The following LRBA variants were observed in gnomAD, a reference collection of about 807,000 sequenced individuals.
LRBA encodes the protein LPS responsive beige-like anchor protein, also known as lipopolysaccharide-responsive and beige-like anchor protein.
A neutral mutation model predicts 330.0 loss-of-function variants in LRBA; 176 were observed. The observed-to-expected ratio is 0.53, with a 90% CI of 0.47 to 0.60. The LOEUF (loss-of-function observed/expected upper bound fraction) is 0.60. LRBA is among the 20% of genes least tolerant of loss of function. LRBA has a pLI of 0.00. For missense variants in LRBA, 3,259 were observed against 3,444.8 expected (o/e 0.95, Z 1.35); for synonymous variants, 1,230 against 1,193.0 (o/e 1.03, Z -0.64).
chr4:150,813,110 A>G (rs902953055), intron 31 of LRBA, among the ~76,000 whole-genome samples: 5 of 150,712 alleles, frequency 3.3e-5, no homozygotes, highest in African/African-American at 4.9e-5. Context: ...TTGAGCTATG[A>G]TTGTGCCACT....
intron 47 of LRBA, among the ~76,000 whole-genome samples, chr4:150,362,918 T>C (rs1738920929): frequency 6.6e-6 from 1 of 151,984 alleles, no homozygotes; most frequent in African/African-American, 2.4e-5. Flanking sequence ...CCTGGCAGCC[T>C]GGCAGCCTGG....
intron 35 of LRBA, among the ~76,000 whole-genome samples, chr4:150,760,478 C>T (rs1734925939): frequency 6.6e-6 from 1 of 151,944 alleles, no homozygotes; most frequent in African/African-American, 2.4e-5. Context: ...ATCACAATGA[C>T]TCTTTTGTTT....
chr4:150,926,941 T>G (rs532504050), intron 4 of LRBA, among the ~76,000 whole-genome samples: 2 of 151,490 alleles, frequency 1.3e-5, no homozygotes, highest in African/African-American at 4.9e-5. Flanking sequence ...CGTGGTGGTG[T>G]GCGCCTGTAA....
intron 17 of LRBA, among the ~76,000 whole-genome samples, chr4:150,882,578 C>T (rs1728517736): frequency 6.6e-6 from 1 of 152,086 alleles, no homozygotes; most frequent in South Asian, 2.1e-4. Flanking sequence ...ACTATGCTTA[C>T]ATGTTTAAAG....
chr4:150,470,238 C>T (rs752722044), intron 43 of LRBA, among the ~76,000 whole-genome samples: 1 of 152,128 alleles, frequency 6.6e-6, no homozygotes, highest in Non-Finnish European at 1.5e-5. Context: ...CATTTCCAAC[C>T]ATTCATTCTG....
intron 31 of LRBA, among the ~76,000 whole-genome samples, chr4:150,815,298 C>G (rs1242984596): frequency 6.8e-6 from 1 of 147,510 alleles, no homozygotes; most frequent in African/African-American, 2.5e-5. Context: ...GGTGGAGAAG[C>G]GGAAATGTGC....
rs371523545 is a variant in LRBA at position 150,849,033 on chromosome 4, T to G, written c.4159-35A>C. ...ATAAAGTTTGACATTTATATATATA[T>G]ATTCTGAAAAAAAAATTTTACCAGA... On this transcript the variant is annotated intron_variant, in intron 25 of 56. Transcript: ENST00000651943. The G allele has an allele frequency of 6.3e-6, 9 of 1,438,862 alleles. No homozygotes were observed. In the South Asian group the frequency reaches 1.2e-4, roughly 20 times the overall value. The allele number at this position is 1,438,862 out of a possible 1,614,324, so 89.1% of individuals were successfully genotyped here. A position where few individuals can be genotyped will look rare whatever the true frequency, so the allele number is the denominator to read the frequency against.
At chr4:150,384,144 T>C (rs1264246965) in intron 47 of LRBA, among the ~76,000 whole-genome samples, 1 of 152,134 alleles carries the variant, frequency 6.6e-6, no homozygotes, top group Non-Finnish European at 1.5e-5. Context: ...GTTCAAGCGA[T>C]TCTCCTGCCT....
chr4:150,688,130 AG>A (rs1339592256), intron 36 of LRBA, among the ~76,000 whole-genome samples: 2 of 152,204 alleles, frequency 1.3e-5, no homozygotes, highest in African/African-American at 4.8e-5. Flanking sequence ...AACAGAACAG[AG>A]GCCTCAGAAA....
intron 40 of LRBA, among the ~76,000 whole-genome samples, chr4:150,576,438 G>C (rs983916907): frequency 6.6e-6 from 1 of 151,866 alleles, no homozygotes; most frequent in Admixed American, 6.6e-5. Flanking sequence ...AATTAACTTG[G>C]ATGTTAACAT....
At chr4:150,431,093 AT>A (rs1410125358) in intron 46 of LRBA, among the ~76,000 whole-genome samples, 1 of 152,182 alleles carries the variant, frequency 6.6e-6, no homozygotes, top group African/African-American at 2.4e-5. Context: ...CATGAGTCTA[AT>A]TTGTTACATA....
intron 37 of LRBA, among the ~76,000 whole-genome samples, chr4:150,646,291 A>G (rs1471866386): frequency 6.6e-6 from 1 of 152,054 alleles, no homozygotes; most frequent in African/African-American, 2.4e-5. Context: ...AAGGATAAAT[A>G]ACAGTTATTG....
chr4:150,555,594 CA>C (rs1388908653), intron 40 of LRBA, among the ~76,000 whole-genome samples: 4 of 151,852 alleles, frequency 2.6e-5, no homozygotes, highest in African/African-American at 9.6e-5. Context: ...ACTAAAAATA[CA>C]AAAAAATTAG....
intron 17 of LRBA, among the ~76,000 whole-genome samples, chr4:150,875,611 G>A (rs1753931554): frequency 6.6e-6 from 1 of 152,156 alleles, no homozygotes; most frequent in African/African-American, 2.4e-5. Flanking sequence ...TGACGGAAGT[G>A]TATAAAGCTA....
intron 31 of LRBA, among the ~76,000 whole-genome samples, chr4:150,813,138 A>T (rs1259797531): frequency 6.7e-6 from 1 of 148,794 alleles, no homozygotes; most frequent in Admixed American, 6.8e-5. Context: ...AGCCTGGGAA[A>T]CAAAGACAGA....
At position 150,828,527 on chromosome 4, in the gene LRBA, C is replaced by G. The variant is rs746753125; in HGVS notation, c.4824G>C (p.Gly1608=). The part of the protein sequence containing the change: ...SSARRRDSGI[G]EETATGLGSH... Reference sequence around the variant, plus strand: ...TTCCTAAACCAGTGGCTGTTTCTTCCCCAATGCCTGAGTCCCTCCTTCGAG... The same window carrying G: ...TTCCTAAACCAGTGGCTGTTTCTTCGCCAATGCCTGAGTCCCTCCTTCGAG... The change falls in exon 30 of 57, where the codon GGG becomes GGC. Residue 1608 remains glycine (G), a synonymous_variant. Transcript: ENST00000651943. 16 of 1,613,958 alleles carry G rather than the reference C, an allele frequency of 9.9e-6. No individual in the cohort carries two copies. Among genetic ancestry groups the G allele is most frequent in the Non-Finnish European group, 1.4e-5 (16 of 1,179,992 alleles).
At chr4:150,808,968 A>C (rs1387778175) in intron 31 of LRBA, among the ~76,000 whole-genome samples, 1 of 152,158 alleles carries the variant, frequency 6.6e-6, no homozygotes, top group Non-Finnish European at 1.5e-5. Flanking sequence ...AAAGAGAATA[A>C]GGGCCCTCTT....
intron 35 of LRBA, among the ~76,000 whole-genome samples, chr4:150,749,063 G>A (rs973900308): frequency 1.3e-5 from 2 of 152,048 alleles, no homozygotes; most frequent in African/African-American, 4.8e-5. Context: ...ATTTTTTATA[G>A]CAGCATACAG....
chr4:150,874,947 A>G (rs1258509179), intron 17 of LRBA, among the ~76,000 whole-genome samples: 3 of 152,064 alleles, frequency 2.0e-5, no homozygotes, highest in Non-Finnish European at 4.4e-5. Context: ...GGGGTCCTCT[A>G]TGCTTCATGC....
Sources: allele counts gnomAD v4.1 joint callset (sites outside exome capture counted in the v4.1 genomes callset), GRCh38; gene constraint gnomAD v4.1.1; transcripts MANE v1.5; gene names NCBI Gene and HGNC (gene_info 2026-07-23, HGNC 2026-07-21).